The following ARHGEF10 variants were observed in gnomAD, a reference collection of about 807,000 sequenced individuals.
ARHGEF10 encodes the protein Rho guanine nucleotide exchange factor 10.
A neutral mutation model predicts 147.4 loss-of-function variants in ARHGEF10; 140 were observed. The ratio of observed to expected loss-of-function variants is 0.95; its 90% CI spans 0.83 to 1.09. The LOEUF is 1.09. Among genes scored for constraint, ARHGEF10 ranks in the 50% least tolerant of loss-of-function variants. The pLI is 0.00. For synonymous variants in ARHGEF10, 902 were observed against 695.8 expected (o/e 1.30, Z -4.67); for missense variants, 2,222 against 1,752.7 (o/e 1.27, Z -4.78).
chr8:1,847,450 A>G (rs916566233), intron 2 of ARHGEF10, among the ~76,000 whole-genome samples: 19 of 152,224 alleles, frequency 1.2e-4, no homozygotes, highest in African/African-American at 2.4e-5. Context: ...TGCAAATTAC[A>G]TTAGGGCAAA....
upstream of ARHGEF10, among the ~76,000 whole-genome samples, chr8:1,823,719 C>T (rs1214242371): frequency 2.6e-5 from 4 of 151,824 alleles, no homozygotes; most frequent in African/African-American, 9.7e-5. Flanking sequence ...GAGCCTCTGC[C>T]GCGCGCCCCC....
chr8:1,833,694 G>T (rs142026619), intron 1 of ARHGEF10, among the ~76,000 whole-genome samples: 6 of 152,210 alleles, frequency 3.9e-5, no homozygotes, highest in African/African-American at 1.4e-4. Context: ...CTGCCCTCAT[G>T]CCCGGCCCAG....
At chr8:1,930,500 C>A (rs1235392980) in intron 25 of ARHGEF10, among the ~76,000 whole-genome samples, 1 of 152,084 alleles carries the variant, frequency 6.6e-6, no homozygotes, top group Non-Finnish European at 1.5e-5. Flanking sequence ...CTCCCCGCCC[C>A]CCCGCTGAAA....
At position 1,919,626 on chromosome 8, in the gene ARHGEF10, C is replaced by CAGAG. The variant is rs749787442; in HGVS notation, c.2144-3337_2144-3334dup. ...GGTGATAAACTGTTCTGTCAAGTGA[C>CAGAG]AGAGCTGTTCTGTGGGTGATGAGCT... On this transcript the variant is annotated intron_variant, in intron 18 of 28. Coordinates refer to ENST00000349830, the MANE Select transcript of ARHGEF10 (RefSeq NM_014629.4). Among the ~76,000 whole-genome samples, 8 of 126,804 alleles carry CAGAG rather than the reference C, an allele frequency of 6.3e-5. No individual in the cohort carries two copies. The Admixed American group carries it at 6.7e-4, about 11-fold the overall frequency. 83.2% of individuals were successfully genotyped at this position (126,804 alleles called of 152,430 possible).
intron 2 of ARHGEF10, among the ~76,000 whole-genome samples, chr8:1,857,247 GAGA>G (rs1805618676): frequency 6.6e-6 from 1 of 152,062 alleles, no homozygotes. Context: ...AAAATAAAAG[GAGA>G]AGAATTCTAG....
intron 13 of ARHGEF10, among the ~76,000 whole-genome samples, chr8:1,895,022 G>C (rs1281171146): frequency 6.6e-6 from 1 of 152,206 alleles, no homozygotes; most frequent in Non-Finnish European, 1.5e-5. Context: ...GAAAACACGT[G>C]ATGGGAAAAT....
intron 14 of ARHGEF10, among the ~76,000 whole-genome samples, chr8:1,897,039 A>G (rs1263826938): frequency 6.6e-6 from 1 of 151,384 alleles, no homozygotes; most frequent in African/African-American, 2.4e-5. Context: ...GTGTTCTGAC[A>G]GTTTGCTGCA....
intron 28 of ARHGEF10, among the ~76,000 whole-genome samples, chr8:1,954,906 G>C (rs900454346): frequency 6.6e-6 from 1 of 152,242 alleles, no homozygotes; most frequent in Non-Finnish European, 1.5e-5. Context: ...CCTGCCTGCA[G>C]CCTGCCTCTG....
intron 18 of ARHGEF10, among the ~76,000 whole-genome samples, chr8:1,920,275 A>G (rs945657629): frequency 6.6e-6 from 1 of 152,254 alleles, no homozygotes; most frequent in Admixed American, 6.5e-5. Context: ...TTTTAAAAGA[A>G]GTCAACTAAT....
intron 9 of ARHGEF10, among the ~76,000 whole-genome samples, chr8:1,882,225 C>A (rs992210606): frequency 6.6e-6 from 1 of 152,354 alleles, no homozygotes; most frequent in Admixed American, 6.5e-5. Context: ...CATGCCCCCA[C>A]ATGGGGTGCA....
intron 18 of ARHGEF10, among the ~76,000 whole-genome samples, chr8:1,912,377 T>C (rs1811427271): frequency 1.3e-5 from 2 of 151,888 alleles, no homozygotes; most frequent in East Asian, 1.9e-4. Context: ...AAAAGTGCTG[T>C]GTGGAATGTG....
chr8:1,926,942 C>T (rs1812737726), intron 23 of ARHGEF10: 1 of 263,584 alleles, frequency 3.8e-6, no homozygotes, highest in Non-Finnish European at 7.4e-6. Flanking sequence ...TGTGTGGTCC[C>T]AGGCTCTCCC....
At position 1,911,091 on chromosome 8, in the gene ARHGEF10, CT is replaced by C. The variant is rs773100095; in HGVS notation, c.2143+1622del. Among the ~76,000 whole-genome samples, 377 of 152,292 alleles carry C rather than the reference CT, an allele frequency of 2.5e-3. 2 individuals carry two copies. Among genetic ancestry groups the C allele is most frequent in the Middle Eastern group, 0.017 (5 of 294 alleles). ...CACCCTGGATTTAACTATGAGCTTC[CT>C]ATCAGCCACAGCAAGAGGAGAAACA... On this transcript the variant is annotated intron_variant, in intron 18 of 28. Coordinates refer to ENST00000349830, the MANE Select transcript of ARHGEF10 (RefSeq NM_014629.4).
rs150961735 is a variant in ARHGEF10 at position 1,851,864 on chromosome 8, C to T, written c.38-6096C>T. Among the ~76,000 whole-genome samples, 682 of 151,532 alleles carry T rather than the reference C, an allele frequency of 4.5e-3. 2 individuals carry two copies. The highest frequency in any genetic ancestry group is 0.015 in the African/African-American group (599 of 41,248). ...AGGAGGTCAAGGCTGCAGTAAGCTG[C>T]GATCGCAATACTGCACTCCAGCGCG... On this transcript the variant is annotated intron_variant, in intron 2 of 28. Coordinates refer to ENST00000349830, the MANE Select transcript of ARHGEF10 (RefSeq NM_014629.4).
At chr8:1,920,873 C>T (rs902504485) in intron 18 of ARHGEF10, among the ~76,000 whole-genome samples, 23 of 152,070 alleles carry the variant, frequency 1.5e-4, no homozygotes, top group South Asian at 2.1e-4. Context: ...TGACCTCCTC[C>T]GCCTTCCAGC....
intron 11 of ARHGEF10, among the ~76,000 whole-genome samples, chr8:1,889,820 T>C (rs1488134215): frequency 5.8e-4 from 77 of 132,584 alleles, no homozygotes; most frequent in African/African-American, 2.1e-3. Flanking sequence ...GGAGGAGGGT[T>C]TGTGAGAAGA....
At chr8:1,865,813 AG>A (rs1806555176) in intron 5 of ARHGEF10, among the ~76,000 whole-genome samples, 2 of 152,172 alleles carry the variant, frequency 1.3e-5, no homozygotes, top group African/African-American at 4.8e-5. Context: ...TGGCCTTCCC[AG>A]CAGTGTCTCT....
chr8:1,831,751 C>G (rs544045550), intron 1 of ARHGEF10, among the ~76,000 whole-genome samples: 1 of 152,220 alleles, frequency 6.6e-6, no homozygotes, highest in Non-Finnish European at 1.5e-5. Flanking sequence ...GTGCACTGCT[C>G]GCTCCTGGAC....
At chr8:1,869,109 C>A in intron 6 of ARHGEF10, 85 bp from the exon 7 acceptor site, 1 of 1,217,020 alleles carries the variant, frequency 8.2e-7, no homozygotes, top group Non-Finnish European at 1.2e-6. Flanking sequence ...ATCATGACAT[C>A]ATCGGCGACT....
Sources: allele counts gnomAD v4.1 joint callset (sites outside exome capture counted in the v4.1 genomes callset), GRCh38; gene constraint gnomAD v4.1.1; transcripts MANE v1.5; gene names NCBI Gene and HGNC (gene_info 2026-07-23, HGNC 2026-07-21).